GNB1L: variants seen among roughly 807,000 people sequenced by gnomAD.
GNB1L encodes the protein guanine nucleotide-binding protein subunit beta-like protein 1.
Under a neutral mutation model 29.1 loss-of-function variants are expected in GNB1L, and 20 were observed. The ratio of observed to expected loss-of-function variants is 0.69; its 90% CI spans 0.48 to 1.00. The LOEUF (loss-of-function observed/expected upper bound fraction) is 1.00, where lower values mean the gene tolerates loss of function less well. Among genes scored for constraint, GNB1L ranks in the 50% least tolerant of loss-of-function variants. The pLI, the probability that GNB1L is intolerant of heterozygous loss-of-function variation, is 0.00. For synonymous variants in GNB1L, 193 were observed against 206.5 expected, an observed-to-expected ratio of 0.93 and a Z score of 0.56; for missense variants, 421 against 464.9, an observed-to-expected ratio of 0.91 and a Z score of 0.87.
chr22:19,853,756 C>T (rs1353009153), intron 2 of GNB1L, among the ~76,000 whole-genome samples: 2 of 152,234 alleles, frequency 1.3e-5, no homozygotes, highest in Admixed American at 6.5e-5. Flanking sequence ...AGCCCATGAC[C>T]CTGGCTTCCC....
intron 2 of GNB1L, among the ~76,000 whole-genome samples, chr22:19,843,476 G>A (rs1937897562): frequency 6.6e-6 from 1 of 152,206 alleles, no homozygotes; most frequent in African/African-American, 2.4e-5. Context: ...GGCAGCAAGT[G>A]CACAGCCCAA....
chr22:19,814,817 G>A (rs945310295), intron 4 of GNB1L, among the ~76,000 whole-genome samples: 1 of 152,148 alleles, frequency 6.6e-6, no homozygotes, highest in African/African-American at 2.4e-5. Context: ...AGGACTGCTC[G>A]AGCCCAGGAG....
intron 2 of GNB1L, among the ~76,000 whole-genome samples, chr22:19,842,455 C>G (rs777603793): frequency 1.3e-5 from 2 of 152,220 alleles, no homozygotes; most frequent in Admixed American, 1.3e-4. Context: ...ACCAAGGCCT[C>G]GGGGGCCAGG....
At chr22:19,843,847 T>G (rs1937905044) in intron 2 of GNB1L, among the ~76,000 whole-genome samples, 1 of 152,248 alleles carries the variant, frequency 6.6e-6, no homozygotes, top group African/African-American at 2.4e-5. Flanking sequence ...CTTCTGGGTC[T>G]GAGTCTGTTC....
At chr22:19,812,475 A>G in intron 4 of GNB1L, 28 bp from the exon 5 acceptor site, 4 of 1,596,710 alleles carry the variant, frequency 2.5e-6, no homozygotes, top group Non-Finnish European at 3.4e-6. Context: ...GACAGGCCTG[A>G]GACTCCCCTT....
At chr22:19,820,545 A>T in intron 4 of GNB1L, 53 bp downstream of exon 4, 1 of 1,563,338 alleles carries the variant, frequency 6.4e-7, no homozygotes, top group East Asian at 2.3e-5. Flanking sequence ...TCCATCAGAG[A>T]GTTCCTGACT....
intron 2 of GNB1L, among the ~76,000 whole-genome samples, chr22:19,827,269 A>G (rs941434869): frequency 6.6e-5 from 10 of 152,340 alleles, no homozygotes; most frequent in African/African-American, 2.4e-4. Context: ...TTCAAAAAAA[A>G]TTCTCTCTTA....
chr22:19,837,821 A>T (rs1450077795), intron 2 of GNB1L, among the ~76,000 whole-genome samples: 1 of 152,266 alleles, frequency 6.6e-6, no homozygotes, highest in Non-Finnish European at 1.5e-5. Context: ...TTTAATGTGA[A>T]TAAATCTCAA....
intron 5 of GNB1L, among the ~76,000 whole-genome samples, chr22:19,811,522 T>C (rs185124147): frequency 5.9e-5 from 9 of 152,176 alleles, no homozygotes; most frequent in Admixed American, 4.6e-4. Context: ...CCTCCTCCAC[T>C]ATGACACCCT....
chr22:19,820,499 A>G, intron 4 of GNB1L, 99 bp downstream of exon 4: 1 of 1,333,624 alleles, frequency 7.5e-7, no homozygotes, highest in Non-Finnish European at 1.0e-6. Context: ...TGGTTCCCCC[A>G]CCCCATTCTG....
intron 7 of GNB1L, among the ~76,000 whole-genome samples, chr22:19,800,065 C>T (rs1937352204): frequency 6.6e-6 from 1 of 152,260 alleles, no homozygotes; most frequent in Non-Finnish European, 1.5e-5. Context: ...ACGCCACAGC[C>T]ACGCCAACCA....
At chr22:19,805,025 G>C (rs929788846) in intron 6 of GNB1L, among the ~76,000 whole-genome samples, 10 of 152,212 alleles carry the variant, frequency 6.6e-5, no homozygotes, top group Non-Finnish European at 5.9e-5. Context: ...GAGGAGCCTT[G>C]TGTGGGCACA....
chr22:19,805,651 G>A (rs977395319), intron 6 of GNB1L, among the ~76,000 whole-genome samples: 7 of 152,260 alleles, frequency 4.6e-5, no homozygotes, highest in East Asian at 3.9e-4. Context: ...GCGTGGTGGC[G>A]GGCGCCTGTA....
At position 19,821,423 on chromosome 22, in the gene GNB1L, C is replaced by A. The variant is rs1329814404; in HGVS notation, c.-20-48G>T. The A allele has an allele frequency of 1.9e-6, 3 of 1,565,918 alleles. No homozygotes were observed. The African/African-American group carries it at 4.0e-5, about 21-fold the overall frequency. On this transcript the variant is annotated intron_variant, in intron 2 of 7. Transcript: ENST00000329517. ...TGAGTGACTGCGTCCCTATTCTCAC[C>A]CTCTAGGAAGGCTGCTCAGGCACAG...
chr22:19,853,721 G>GT (rs1042073635), intron 2 of GNB1L, among the ~76,000 whole-genome samples: 4 of 151,956 alleles, frequency 2.6e-5, no homozygotes, highest in African/African-American at 9.7e-5. Flanking sequence ...CCCCCTCTGG[G>GT]GGGGGGGTCT....
chr22:19,800,216 A>T (rs1231998144), intron 7 of GNB1L, among the ~76,000 whole-genome samples: 1 of 152,234 alleles, frequency 6.6e-6, no homozygotes, highest in Non-Finnish European at 1.5e-5. Context: ...TACAGTCCTA[A>T]GTTCCAGCAG....
rs1370792373 is a variant in GNB1L, at chr22:19,802,058, T to C, written c.675A>G (p.Ser225=). Reference sequence around the variant, plus strand: ...CAGCCAGCGCCTTCCCCGCGGAGCCTGAGATGCCCCTGGCCTTCTGGGAGT... The same window carrying C: ...CAGCCAGCGCCTTCCCCGCGGAGCCCGAGATGCCCCTGGCCTTCTGGGAGT... ...DFDSQKARGI[S]GSAGKALAVW... is the part of the protein sequence containing the mutation. Residue 225 remains serine, a synonymous_variant, in exon 7 of 8, where the codon TCA becomes TCG. Transcript: ENST00000329517. 1.2e-6 allele frequency: 2 copies of C among 1,612,424 alleles called. No homozygotes were observed. The highest frequency in any genetic ancestry group is 2.7e-5 in the African/African-American group (2 of 75,038).
chr22:19,788,232 G>A lies in GNB1L; in HGVS notation c.*477C>T, dbSNP rs947831009. 1.0e-4 allele frequency: 33 copies of A among 323,042 alleles called. 1 individual carries two copies. Among genetic ancestry groups the A allele is most frequent in the African/African-American group, 6.4e-4 (30 of 47,152 alleles). 20.0% of individuals were successfully genotyped at this position (323,042 alleles called of 1,614,324 possible). A position where few individuals can be genotyped will look rare whatever the true frequency, so the allele number is the denominator to read the frequency against. On this transcript the variant is annotated 3_prime_UTR_variant, in exon 8 of 8. Transcript: ENST00000329517. ...GGTGAGGGGTCATGTGGACATCGACGCAGCTATGGTTGGGGCCTATCATCT... is the reference window on the plus strand; with the variant it reads ...GGTGAGGGGTCATGTGGACATCGACACAGCTATGGTTGGGGCCTATCATCT...
rs1377927792 is a variant in GNB1L, at chr22:19,821,321, G to C, written c.35C>G (p.Pro12Arg). The C allele has an allele frequency of 3.1e-6, 5 of 1,613,198 alleles. No homozygotes were observed. The highest frequency in any genetic ancestry group is 4.2e-6 in the Non-Finnish European group (5 of 1,179,754). Residue 12 changes from proline to arginine, a missense_variant, in exon 3 of 8, where the codon CCC becomes CGC. Pro to Arg is a moderately radical substitution (Grantham distance 103). Transcript: ENST00000329517. ...TAPCPPPPPD[P>R]QFVLRGTQSP... ...CTGGGTGCCTCGGAGGACAAACTGG[G>C]GGTCTGGAGGTGGCGGCGGGCAGGG... is the stretch of plus-strand genomic sequence containing the variant.
Sources: gnomAD v4.1 joint callset for allele counts (sites outside exome capture counted in the v4.1 genomes callset) on GRCh38, gnomAD v4.1.1 for gene constraint, MANE v1.5 for transcripts, NCBI Gene and HGNC (gene_info 2026-07-23, HGNC 2026-07-21) for gene names.